BBX: variants seen among roughly 807,000 people sequenced by gnomAD.
BBX encodes the protein HMG box transcription factor BBX.
A neutral mutation model predicts 100.2 loss-of-function variants in BBX; 30 were observed. The observed-to-expected ratio is 0.30, with a 90% confidence interval of 0.22 to 0.41. The LOEUF (loss-of-function observed/expected upper bound fraction) is 0.41. BBX is among the 10% of genes least tolerant of loss of function. The pLI, the probability that BBX is intolerant of heterozygous loss-of-function variation, is 1.00. For synonymous variants in BBX, 376 were observed against 388.1 expected, an observed-to-expected ratio of 0.97 and a Z score of 0.37; for missense variants, 1,023 against 1,129.8, an observed-to-expected ratio of 0.91 and a Z score of 1.35.
At chr3:107,638,662 G>C (rs1017525629) in intron 2 of BBX, 1 of 151,182 alleles carries the variant, frequency 6.6e-6, no homozygotes, top group Non-Finnish European at 1.5e-5. Flanking sequence ...GCTAATGCCT[G>C]TAATTCCACA....
intron 2 of BBX, among the ~76,000 whole-genome samples, chr3:107,611,315 A>T (rs954057390): frequency 6.6e-6 from 1 of 152,126 alleles, no homozygotes; most frequent in Non-Finnish European, 1.5e-5. Context: ...TTTTCTGTGT[A>T]CTATCAACCA....
chr3:107,601,222 G>A (rs1457303758), intron 2 of BBX, among the ~76,000 whole-genome samples: 5 of 152,040 alleles, frequency 3.3e-5, no homozygotes, highest in Non-Finnish European at 7.4e-5. Context: ...CAGGCCTCCC[G>A]ATTGTCTCCA....
chr3:107,533,589 A>C (rs2048304264), intron 2 of BBX, among the ~76,000 whole-genome samples: 1 of 152,218 alleles, frequency 6.6e-6, no homozygotes, highest in Non-Finnish European at 1.5e-5. Context: ...ACTCAGGCAG[A>C]ACCTGGTTAG....
At chr3:107,766,774 C>T (rs192696700) in intron 10 of BBX, among the ~76,000 whole-genome samples, 2 of 152,266 alleles carry the variant, frequency 1.3e-5, no homozygotes, top group East Asian at 3.9e-4. Flanking sequence ...TATTGCAGCA[C>T]TGTTCACAAT....
At chr3:107,740,164 G>A (rs1397625220) in intron 7 of BBX, among the ~76,000 whole-genome samples, 1 of 151,986 alleles carries the variant, frequency 6.6e-6, no homozygotes, top group East Asian at 1.9e-4. Context: ...TGCACCGCTT[G>A]TGTCAGGTAG....
intron 7 of BBX, among the ~76,000 whole-genome samples, chr3:107,737,678 T>G (rs935072703): frequency 2.0e-5 from 3 of 152,156 alleles, no homozygotes; most frequent in African/African-American, 7.2e-5. Context: ...TGATATTGTC[T>G]TAAGGTTCAA....
chr3:107,680,531 A>G (rs2059518312), intron 3 of BBX, among the ~76,000 whole-genome samples: 1 of 152,154 alleles, frequency 6.6e-6, no homozygotes, highest in African/African-American at 2.4e-5. Flanking sequence ...ACCTGACAGT[A>G]TGGCTTGTTG....
At chr3:107,731,392 A>G (rs549685587) in intron 6 of BBX, among the ~76,000 whole-genome samples, 3 of 152,306 alleles carry the variant, frequency 2.0e-5, no homozygotes, top group East Asian at 3.9e-4. Context: ...GAACCAAACT[A>G]AACTTTTACT....
intron 2 of BBX, among the ~76,000 whole-genome samples, chr3:107,590,040 A>T (rs187807541): frequency 2.0e-4 from 31 of 152,266 alleles, no homozygotes; most frequent in African/African-American, 7.5e-4. Flanking sequence ...TCACATGTGT[A>T]ACATACTTTT....
At chr3:107,551,905 G>A (rs1213121442) in intron 2 of BBX, among the ~76,000 whole-genome samples, 2 of 152,158 alleles carry the variant, frequency 1.3e-5, no homozygotes, top group Non-Finnish European at 2.9e-5. Context: ...CCTTTTTCAT[G>A]TAAGAGGCTG....
At chr3:107,795,613 C>CTTGTT (rs2069550301) in intron 15 of BBX, among the ~76,000 whole-genome samples, 1 of 60,002 alleles carries the variant, frequency 1.7e-5, no homozygotes, top group Non-Finnish European at 3.0e-5. Flanking sequence ...CCGACGTAGT[C>CTTGTT]TTTTTTTTTT....
Position 107,772,817 on chromosome 3 carries a change from G to C in BBX, c.1096G>C (p.Asp366His), listed in dbSNP as rs775312406. The C allele has an allele frequency of 5.6e-6, 9 of 1,613,540 alleles. No individual in the cohort carries two copies. In the Admixed American group the frequency reaches 1.2e-4, roughly 21 times the overall value. Residue 366 changes from aspartate (D) to histidine (H), a missense_variant, in exon 11 of 18, where the codon GAT (aspartate) becomes CAT (histidine). Asp to His is a moderately conservative substitution (Grantham distance 81). Around this residue, in one of 9 missense-constraint regions of BBX, gnomAD observed 348 missense variants for 353.2 expected, o/e 0.99. Coordinates refer to ENST00000325805, the MANE Select transcript of BBX (RefSeq NM_001142568.3). ...AAAATCGGCTAAGGAAAATTTAAGAGATTCTAAGGAATTGAGAAATTTTGA... is the reference window on the plus strand; with the variant it reads ...AAAATCGGCTAAGGAAAATTTAAGACATTCTAAGGAATTGAGAAATTTTGA... ...FEKSAKENLR[D>H]SKELRNFEAL...
chr3:107,638,102 C>CAGGCAGGTCTCACTGTATTGCCT (rs1447340974), intron 2 of BBX, among the ~76,000 whole-genome samples: 7 of 152,154 alleles, frequency 4.6e-5, no homozygotes, highest in Admixed American at 4.6e-4. Context: ...AAAATCTGTA[C>CAGGCAGGTCTCACTGTATTGCCT]AGGCAGGTCT....
At chr3:107,533,418 A>G (rs1465102563) in intron 2 of BBX, among the ~76,000 whole-genome samples, 5 of 152,216 alleles carry the variant, frequency 3.3e-5, no homozygotes, top group Non-Finnish European at 7.4e-5. Flanking sequence ...TTAACATTAT[A>G]TATTACCTCA....
intron 3 of BBX, among the ~76,000 whole-genome samples, chr3:107,695,030 T>A (rs1197579347): frequency 6.7e-6 from 1 of 150,316 alleles, no homozygotes; most frequent in Non-Finnish European, 1.5e-5. Context: ...TTCTGTGGGA[T>A]CGGTGGTGAT....
At chr3:107,698,323 GT>G (rs1196892769) in intron 3 of BBX, among the ~76,000 whole-genome samples, 9 of 150,772 alleles carry the variant, frequency 6.0e-5, no homozygotes, top group Admixed American at 2.0e-4. Context: ...ATATATATAT[GT>G]TTTTTTTAAA....
chr3:107,748,060 T>C, intron 9 of BBX, 21 bp downstream of exon 9: 1 of 1,599,474 alleles, frequency 6.3e-7, no homozygotes, highest in Admixed American at 1.7e-5. Flanking sequence ...TTTAAAATGC[T>C]TTTTAGGCTA....
At chr3:107,606,938 T>G (rs1020591273) in intron 2 of BBX, among the ~76,000 whole-genome samples, 3 of 152,114 alleles carry the variant, frequency 2.0e-5, no homozygotes, top group African/African-American at 7.2e-5. Flanking sequence ...TTCCCCCCAC[T>G]CTCTGGTAAC....
intron 14 of BBX, among the ~76,000 whole-genome samples, chr3:107,790,773 G>A (rs1204982938): frequency 6.6e-6 from 1 of 152,140 alleles, no homozygotes; most frequent in South Asian, 2.1e-4. Context: ...GGCTTTAAAC[G>A]CAGCTGTCTC....
Sources: gnomAD v4.1 joint callset for allele counts (sites outside exome capture counted in the v4.1 genomes callset) on GRCh38, gnomAD v4.1.1 for gene constraint, gnomAD v4.1.1 regional missense constraint, MANE v1.5 for transcripts, NCBI Gene and HGNC (gene_info 2026-07-23, HGNC 2026-07-21) for gene names.